The following CFAP47 variants were observed in gnomAD, a reference collection of about 807,000 sequenced individuals.
CFAP47 encodes cilia and flagella associated protein 47.
Under a neutral mutation model 148.1 loss-of-function variants are expected in CFAP47, and 29 were observed. That is an observed-to-expected ratio of 0.20 (90% CI 0.15 to 0.27). The LOEUF (loss-of-function observed/expected upper bound fraction) is 0.27. Ranked by LOEUF, CFAP47 falls within the 10% of genes least tolerant of loss-of-function variation. The pLI is 1.00. For synonymous variants in CFAP47, 664 were observed against 577.3 expected (o/e 1.15, Z -2.15); for missense variants, 1,872 against 1,697.5 (o/e 1.10, Z -1.81).
At chrX:36,351,283 CATAG>C (rs1188313278) in intron 59 of CFAP47, among the ~76,000 whole-genome samples, 2 of 111,952 alleles carry the variant, frequency 1.8e-5, no homozygotes, top group Admixed American at 9.5e-5. Context: ...AAAATCAACA[CATAG>C]ATAAATATTT....
At chrX:36,215,164 C>G (rs1017757681) in intron 45 of CFAP47, among the ~76,000 whole-genome samples, 2 of 111,252 alleles carry the variant, frequency 1.8e-5, no homozygotes, top group African/African-American at 6.5e-5. Flanking sequence ...ATGGGACCAC[C>G]ATCATATAGG....
chrX:36,003,326 A>G (rs1337930066), intron 21 of CFAP47, among the ~76,000 whole-genome samples: 1 of 109,060 alleles, frequency 9.2e-6, no homozygotes, highest in African/African-American at 3.3e-5. Flanking sequence ...GCTGAATCCA[A>G]TTCCCTAGTA....
chrX:35,968,930 C>CT (rs1262152108), intron 10 of CFAP47, among the ~76,000 whole-genome samples: 1 of 108,521 alleles, frequency 9.2e-6, no homozygotes, highest in African/African-American at 3.5e-5. Context: ...TTTTTATGTA[C>CT]TTTTTTCAAC....
chrX:36,132,331 G>C (rs1356440046), intron 33 of CFAP47, among the ~76,000 whole-genome samples: 1 of 111,777 alleles, frequency 8.9e-6, no homozygotes, highest in East Asian at 2.8e-4. Flanking sequence ...AACTACATTA[G>C]ACTGCTGGTT....
Position 36,367,052 on chromosome X carries a change from A to G in CFAP47, c.9110A>G (p.Asp3037Gly). The part of the protein sequence containing the change: ...IMLIATEPDT[D>G]AVIDIEGVGL... The stretch of plus-strand genomic sequence containing the variant: ...TTGATCGCTACTGAACCTGATACGG[A>G]TGCTGTCATTGACATTGAAGGAGTT... The change falls in exon 62 of 64, where the codon GAT (aspartate) becomes GGT (glycine). Residue 3037 changes from aspartate (D) to glycine (G), a missense_variant. By Grantham distance (94) the Asp-to-Gly change is moderately conservative. Coordinates refer to ENST00000378653, the MANE Select transcript of CFAP47 (RefSeq NM_001304548.2). 6.9e-6 allele frequency: 8 copies of G among 1,159,236 alleles called. No homozygotes were observed. Among genetic ancestry groups the G allele is most frequent in the South Asian group, 3.8e-5 (2 of 52,052 alleles).
chrX:36,259,891 T>G (rs781788014), intron 49 of CFAP47, among the ~76,000 whole-genome samples: 6 of 111,043 alleles, frequency 5.4e-5, no homozygotes, highest in African/African-American at 2.0e-4. Flanking sequence ...CAGTTCCCAG[T>G]GTCTATTGCT....
rs1311490896 is a variant in CFAP47, at chrX:36,137,984, G to C, written c.5347G>C (p.Val1783Leu). 1 of 845,422 alleles carries C rather than the reference G, an allele frequency of 1.2e-6. No individual in the cohort carries two copies. Among genetic ancestry groups the C allele is most frequent in the African/African-American group, 2.0e-5 (1 of 50,233 alleles). The allele number at this position is 845,422 out of a possible 1,213,427, so 69.7% of individuals were successfully genotyped here. ...KDVIPSERWI[V>L]NFDKDLSDGL... ...TGTTATCCCTTCTGAGAGATGGATAGTAAATTTTGACAAAGACCTTTCAGA... is the reference window on the plus strand; with the variant it reads ...TGTTATCCCTTCTGAGAGATGGATACTAAATTTTGACAAAGACCTTTCAGA... The change falls in exon 34 of 64, where the codon GTA becomes CTA. Residue 1783 changes from valine to leucine, a missense_variant. Coordinates refer to ENST00000378653, the MANE Select transcript of CFAP47 (RefSeq NM_001304548.2).
intron 61 of CFAP47, among the ~76,000 whole-genome samples, chrX:36,362,369 A>T (rs1242402194): frequency 8.9e-6 from 1 of 111,892 alleles, no homozygotes; most frequent in Non-Finnish European, 1.9e-5. Flanking sequence ...GTTTATGTCC[A>T]CAGGTGCTCA....
Position 36,228,743 on chromosome X carries a change from T to C in CFAP47, c.6933T>C (p.Gly2311=), listed in dbSNP as rs1940300543. Reference sequence around the variant, plus strand: ...ATGTGCGTGCCTATTATGTTGAAGGTATTGTGAATGAAGAACAACCAGAGG... The same window carrying C: ...ATGTGCGTGCCTATTATGTTGAAGGCATTGTGAATGAAGAACAACCAGAGG... The part of the protein sequence containing the change: ...RYDVRAYYVE[G]IVNEEQPEAK... The change falls in exon 46 of 64, where the codon GGT becomes GGC. Residue 2311 remains glycine (G), a synonymous_variant. Coordinates refer to ENST00000378653, the MANE Select transcript of CFAP47 (RefSeq NM_001304548.2). 3.8e-6 allele frequency: 2 copies of C among 523,383 alleles called. No individual in the cohort carries two copies. The highest frequency in any genetic ancestry group is 7.0e-6 in the Non-Finnish European group (2 of 286,116). 43.1% of individuals were successfully genotyped at this position (523,383 alleles called of 1,213,427 possible). A position where few individuals can be genotyped will look rare whatever the true frequency, so the allele number is the denominator to read the frequency against.
intron 57 of CFAP47, among the ~76,000 whole-genome samples, chrX:36,339,187 A>T (rs1556015355): frequency 8.9e-6 from 1 of 112,098 alleles, no homozygotes; most frequent in Non-Finnish European, 1.9e-5. Context: ...TACCTTTTCC[A>T]TAACAAAACC....
At chrX:35,957,689 C>T (rs1301277470) in intron 8 of CFAP47, among the ~76,000 whole-genome samples, 2 of 111,856 alleles carry the variant, frequency 1.8e-5, no homozygotes, top group Non-Finnish European at 3.8e-5. Flanking sequence ...CAAAACATAT[C>T]TAATAGCTAA....
At chrX:36,313,196 A>T (rs1445175129) in intron 56 of CFAP47, among the ~76,000 whole-genome samples, 1 of 111,444 alleles carries the variant, frequency 9.0e-6, no homozygotes, top group Non-Finnish European at 1.9e-5. Flanking sequence ...TCATTTTTGC[A>T]CTGCTATAAA....
chrX:36,298,904 A>T, intron 51 of CFAP47, 73 bp from the exon 52 acceptor site: 1 of 641,467 alleles, frequency 1.6e-6, no homozygotes, highest in Non-Finnish European at 2.4e-6. Context: ...AATTTCCTTT[A>T]CATTTCCTTT....
At chrX:36,381,794 G>A (rs1201273207) in intron 63 of CFAP47, among the ~76,000 whole-genome samples, 2 of 109,750 alleles carry the variant, frequency 1.8e-5, no homozygotes, top group African/African-American at 6.6e-5. Context: ...AATATATGAT[G>A]CTTTATCTTT....
At chrX:36,077,902 TC>T (rs1330014331) in intron 29 of CFAP47, among the ~76,000 whole-genome samples, 2 of 109,744 alleles carry the variant, frequency 1.8e-5, no homozygotes, top group East Asian at 5.8e-4. Flanking sequence ...GGTGGCACAC[TC>T]CTATAGTCTC....
chrX:35,985,482 G>C (rs1322433523), intron 15 of CFAP47, among the ~76,000 whole-genome samples: 1 of 111,189 alleles, frequency 9.0e-6, no homozygotes, highest in East Asian at 2.8e-4. Flanking sequence ...AGTGGCAGGG[G>C]AAGGCTGTGA....
At chrX:36,301,410 A>G (rs781912470) in intron 53 of CFAP47, among the ~76,000 whole-genome samples, 1 of 110,260 alleles carries the variant, frequency 9.1e-6, no homozygotes, top group African/African-American at 3.3e-5. Flanking sequence ...GGATTATTAC[A>G]AGGGATAAAA....
At chrX:36,298,031 C>T (rs1250124358) in intron 51 of CFAP47, among the ~76,000 whole-genome samples, 1 of 106,849 alleles carries the variant, frequency 9.4e-6, no homozygotes, top group Non-Finnish European at 1.9e-5. Flanking sequence ...ACTAGAAATA[C>T]CATTTGACCC....
At chrX:36,043,074 A>G (rs1485394151) in intron 25 of CFAP47, among the ~76,000 whole-genome samples, 1 of 112,147 alleles carries the variant, frequency 8.9e-6, no homozygotes, top group Non-Finnish European at 1.9e-5. Context: ...TGATGGAATG[A>G]TTGAATATCT....
Sources: gnomAD v4.1 joint callset for allele counts (sites outside exome capture counted in the v4.1 genomes callset) on GRCh38, gnomAD v4.1.1 for gene constraint, MANE v1.5 for transcripts, NCBI Gene and HGNC (gene_info 2026-07-23, HGNC 2026-07-21) for gene names.